The following FLYWCH1 variants were observed in gnomAD, a reference collection of about 807,000 sequenced individuals.
The protein encoded by FLYWCH1 is FLYWCH-type zinc finger 1.
In FLYWCH1, 75 loss-of-function variants were observed where a neutral mutation model predicts 66.4. The ratio of observed to expected loss-of-function variants is 1.13; its 90% CI spans 0.94 to 1.37. The LOEUF (loss-of-function observed/expected upper bound fraction) is 1.37. Ranked by LOEUF, FLYWCH1 falls within the 40% of genes most tolerant of loss-of-function variation. The pLI, the probability that FLYWCH1 is intolerant of heterozygous loss-of-function variation, is 0.00. For synonymous variants in FLYWCH1, 595 were observed against 429.9 expected (o/e 1.38, Z -4.75); for missense variants, 1,334 against 1,001.8 (o/e 1.33, Z -4.48).
In FLYWCH1 at chr16:2,938,423, C is replaced by T. The variant is rs770076629; in HGVS notation, c.2017C>T (p.Arg673Trp). ...AGLEALRQRE[R>W]LPTTAQQEDP... ...CCTGGAGGCCTTGAGGCAACGGGAG[C>T]GGCTCCCCACCACGGCCCAGCAGGA... Residue 673 changes from arginine to tryptophan, a missense_variant, in exon 8 of 10, where the codon CGG becomes TGG. Coordinates refer to ENST00000253928, the MANE Select transcript of FLYWCH1 (RefSeq NM_001308068.2). 18 of 1,533,674 alleles carry T rather than the reference C, an allele frequency of 1.2e-5. No homozygotes were observed. The highest frequency in any genetic ancestry group is 1.8e-4 in the Middle Eastern group (1 of 5,692).
intron 7 of FLYWCH1, 147 bp from the exon 8 acceptor site, chr16:2,938,037 C>A (rs1248400701): frequency 1.3e-6 from 1 of 779,532 alleles, no homozygotes; most frequent in African/African-American, 1.8e-5. Context: ...CTGCAGGGCC[C>A]AGAGGGGAGG....
intron 4 of FLYWCH1, among the ~76,000 whole-genome samples, chr16:2,931,888 C>T (rs1026609101): frequency 3.3e-5 from 5 of 151,966 alleles, no homozygotes; most frequent in East Asian, 3.9e-4. Flanking sequence ...TCGAGGTGGG[C>T]GGATCACGAG....
intron 7 of FLYWCH1, 79 bp from the exon 8 acceptor site, chr16:2,938,105 C>G (rs1441904220): frequency 1.4e-6 from 2 of 1,413,812 alleles, no homozygotes; most frequent in Non-Finnish European, 1.9e-6. Context: ...TGGGGCCTGG[C>G]TGGGGGATAC....
intron 2 of FLYWCH1, chr16:2,923,181 C>T: frequency 2.7e-6 from 1 of 364,152 alleles, no homozygotes; most frequent in East Asian, 7.5e-5. Flanking sequence ...TTTGCTTTGG[C>T]TTCAGCTTTA....
rs2071644810 is a variant in FLYWCH1 at position 2,950,805 on chromosome 16, G to A, written c.*2078G>A. ...AGACGGCAGCTCGCGTTGCTGGGCT[G>A]AGATTCTCCAATGGACGTGAATTTA... On this transcript the variant is annotated 3_prime_UTR_variant, in exon 10 of 10. Transcript: ENST00000253928. 1 of 152,312 alleles carries A rather than the reference G, an allele frequency of 6.6e-6. No individual in the cohort carries two copies. Among genetic ancestry groups the A allele is most frequent in the Non-Finnish European group, 1.5e-5 (1 of 68,066 alleles). 9.4% of individuals were successfully genotyped at this position (152,312 alleles called of 1,614,324 possible).
At chr16:2,924,481 C>G (rs531328847) in intron 2 of FLYWCH1, among the ~76,000 whole-genome samples, 1 of 152,196 alleles carries the variant, frequency 6.6e-6, no homozygotes, top group Non-Finnish European at 1.5e-5. Context: ...TTCCCAGGCT[C>G]CTTCATGTCT....
chr16:2,938,257 C>T lies in FLYWCH1; in HGVS notation c.1851C>T (p.Tyr617=), dbSNP rs981608556. 9.3e-6 allele frequency: 15 copies of T among 1,613,004 alleles called. No individual in the cohort carries two copies. Among genetic ancestry groups the T allele is most frequent in the Admixed American group, 1.7e-5 (1 of 59,912 alleles). The stretch of plus-strand genomic sequence containing the variant: ...TCCTGGTGCACGAGTCCTTCCTCTA[C>T]AGGAAGGAGAAGGCGGCTGGGGAGA... ...GRFLVHESFL[Y]RKEKAAGEKV... The change falls in exon 8 of 10, where the codon TAC becomes TAT. Residue 617 remains tyrosine (Y), a synonymous_variant. Coordinates refer to ENST00000253928, the MANE Select transcript of FLYWCH1 (RefSeq NM_001308068.2).
intron 8 of FLYWCH1, 39 bp downstream of exon 8, chr16:2,938,495 A>C: frequency 2.7e-6 from 4 of 1,495,582 alleles, no homozygotes; most frequent in Non-Finnish European, 3.6e-6. Context: ...GGCTGTGGGC[A>C]TCCTCATCTC....
intron 2 of FLYWCH1, among the ~76,000 whole-genome samples, chr16:2,929,171 C>A (rs939295889): frequency 6.6e-6 from 1 of 152,212 alleles, no homozygotes; most frequent in Non-Finnish European, 1.5e-5. Context: ...AGAAACGGGT[C>A]TCAGCTTCCC....
At chr16:2,932,407 G>T (rs1242990776) in intron 4 of FLYWCH1, among the ~76,000 whole-genome samples, 1 of 152,058 alleles carries the variant, frequency 6.6e-6, no homozygotes, top group African/African-American at 2.4e-5. Context: ...AGTTTCAGGA[G>T]CTTTATCCTA....
In FLYWCH1 at chr16:2,912,001, C is replaced by G. The variant is rs527362016; in HGVS notation, c.-341C>G. 13 of 152,424 alleles carry G rather than the reference C, an allele frequency of 8.5e-5. No individual in the cohort carries two copies. Among genetic ancestry groups the G allele is most frequent in the African/African-American group, 2.6e-4 (11 of 41,560 alleles). The allele number at this position is 152,424 out of a possible 1,614,324, so 9.4% of individuals were successfully genotyped here. On this transcript the variant is annotated 5_prime_UTR_variant, in exon 1 of 10. Transcript: ENST00000253928. ...GTCGCGCGCGCGGTCACGGGGCTCGCTCCCGAGGGGCAGGTCGGGGCTGGG... is the reference window on the plus strand; with the variant it reads ...GTCGCGCGCGCGGTCACGGGGCTCGGTCCCGAGGGGCAGGTCGGGGCTGGG...
At chr16:2,931,899 G>A (rs2150954406) in intron 4 of FLYWCH1, among the ~76,000 whole-genome samples, 1 of 152,240 alleles carries the variant, frequency 6.6e-6, no homozygotes, top group Admixed American at 6.5e-5. Flanking sequence ...GGATCACGAG[G>A]TCAGGAGATT....
At position 2,933,225 on chromosome 16, in the gene FLYWCH1, G is replaced by A. The variant is rs1294881361; in HGVS notation, c.892G>A (p.Asp298Asn). 1 of 1,613,638 alleles carries A rather than the reference G, an allele frequency of 6.2e-7. No individual in the cohort carries two copies. Among genetic ancestry groups the A allele is most frequent in the Non-Finnish European group, 8.5e-7 (1 of 1,179,836 alleles). ...FLYKREKAVG[D>N]KVYWTCRDHA... Reference sequence around the variant, plus strand: ...CTACAAGCGGGAGAAGGCTGTCGGGGACAAGGTGTATTGGACCTGCCGGGA... The same window carrying A: ...CTACAAGCGGGAGAAGGCTGTCGGGAACAAGGTGTATTGGACCTGCCGGGA... Residue 298 changes from aspartate (D) to asparagine (N), a missense_variant, in exon 5 of 10, where the codon GAC (aspartate) becomes AAC (asparagine). Asp to Asn is a conservative substitution (Grantham distance 23). Transcript: ENST00000253928.
In FLYWCH1 at chr16:2,938,287, G is replaced by A. The variant is rs775590317; in HGVS notation, c.1881G>A (p.Val627=). The A allele has an allele frequency of 3.1e-6, 5 of 1,612,538 alleles. No homozygotes were observed. Among genetic ancestry groups the A allele is most frequent in the African/African-American group, 2.7e-5 (2 of 75,024 alleles). The stretch of plus-strand genomic sequence containing the variant: ...AGGAGAAGGCGGCTGGGGAGAAGGT[G>A]TACTGGATGTGCCGGGACCAGGCTC... The part of the protein sequence containing the change: ...YRKEKAAGEK[V]YWMCRDQARL... Residue 627 remains valine (V), a synonymous_variant, in exon 8 of 10, where the codon GTG becomes GTA. Coordinates refer to ENST00000253928, the MANE Select transcript of FLYWCH1 (RefSeq NM_001308068.2).
intron 9 of FLYWCH1, among the ~76,000 whole-genome samples, chr16:2,941,570 A>AC (rs2071262832): frequency 6.6e-6 from 1 of 151,306 alleles, no homozygotes; most frequent in Non-Finnish European, 1.5e-5. Flanking sequence ...ACAGAGCAAG[A>AC]TCCCATCTCT....
intron 6 of FLYWCH1, chr16:2,935,991 CCT>C (rs1469080100): frequency 1.7e-5 from 3 of 176,924 alleles, no homozygotes; most frequent in Admixed American, 5.5e-5. Flanking sequence ...CTCACTGCAA[CCT>C]CTGTCTCCCA....
chr16:2,942,557 C>T (rs1002452373), intron 9 of FLYWCH1, among the ~76,000 whole-genome samples: 3 of 148,352 alleles, frequency 2.0e-5, no homozygotes, highest in African/African-American at 5.0e-5. Flanking sequence ...TACCAGCAAA[C>T]AGAATCCAGC....
chr16:2,916,798 C>T (rs1471826803), intron 2 of FLYWCH1, among the ~76,000 whole-genome samples: 3 of 151,812 alleles, frequency 2.0e-5, no homozygotes, highest in Admixed American at 6.6e-5. Flanking sequence ...CTTGAGGTTC[C>T]CCAAAATACC....
intron 9 of FLYWCH1, among the ~76,000 whole-genome samples, chr16:2,946,007 T>C (rs2071472392): frequency 6.6e-6 from 1 of 151,946 alleles, no homozygotes; most frequent in African/African-American, 2.4e-5. Context: ...AAAAAATAAA[T>C]AAATAAAAGC....
Sources: allele counts gnomAD v4.1 joint callset (sites outside exome capture counted in the v4.1 genomes callset), GRCh38; gene constraint gnomAD v4.1.1; transcripts MANE v1.5; gene names NCBI Gene and HGNC (gene_info 2026-07-23, HGNC 2026-07-21).